Variants in AHCYL1 observed in about 807,000 individuals in gnomAD.
AHCYL1 encodes the protein S-adenosylhomocysteine hydrolase-like protein 1.
AHCYL1 carries 20 observed loss-of-function variants against 79.3 expected under a neutral mutation model. The ratio of observed to expected loss-of-function variants is 0.25; its 90% CI spans 0.18 to 0.37. The LOEUF (loss-of-function observed/expected upper bound fraction) is 0.37. AHCYL1 is among the 10% of genes least tolerant of loss of function. The pLI, the probability that AHCYL1 is intolerant of heterozygous loss-of-function variation, is 1.00. For missense variants in AHCYL1, 330 were observed against 673.6 expected (o/e 0.49, Z 5.65); for synonymous variants, 223 against 242.2 (o/e 0.92, Z 0.74).
chr1:110,015,520 T>G lies in AHCYL1; in HGVS notation c.771T>G (p.Thr257=). 1 of 1,614,170 alleles carries G rather than the reference T, an allele frequency of 6.2e-7. No individual in the cohort carries two copies. Among genetic ancestry groups the G allele is most frequent in the Non-Finnish European group, 8.5e-7 (1 of 1,179,964 alleles). Residue 257 remains threonine, a synonymous_variant, in exon 7 of 17, where the codon ACT becomes ACG. Transcript: ENST00000369799. ...KIRGIVEESV[T]GVHRLYQLSK... ...GAGGCATTGTGGAAGAGAGCGTGAC[T>G]GGTGTTCACAGGTAACAGATTCTGG...
intron 1 of AHCYL1, among the ~76,000 whole-genome samples, chr1:110,001,659 A>G (rs1650320685): frequency 2.0e-5 from 3 of 152,212 alleles, no homozygotes; most frequent in Admixed American, 2.0e-4. Context: ...AAAAAGAAAC[A>G]TAAAAAGGAT....
intron 1 of AHCYL1, chr1:109,995,601 T>A (rs953072024): frequency 2.1e-6 from 2 of 948,256 alleles, no homozygotes; most frequent in Admixed American, 1.2e-4. Context: ...GAAGTTGCTT[T>A]ATCAAGAGCC....
In AHCYL1 at chr1:110,023,302, C is replaced by CA. The variant is rs1277357863; in HGVS notation, c.*1624dup. On this transcript the variant is annotated 3_prime_UTR_variant, in exon 17 of 17. Coordinates refer to ENST00000369799, the MANE Select transcript of AHCYL1 (RefSeq NM_006621.7). ...CTTTTCTCTCCCATTTTCTTTTACC[C>CA]AATCCCTTCTTACTCCTTGCCAGTG... The CA allele has an allele frequency of 6.6e-6, 1 of 152,630 alleles. No individual in the cohort carries two copies. Among genetic ancestry groups the CA allele is most frequent in the Non-Finnish European group, 1.5e-5 (1 of 68,044 alleles). The allele number at this position is 152,630 out of a possible 1,614,324, so 9.5% of individuals were successfully genotyped here.
At chr1:109,994,999 TG>T (rs1327794498) in intron 1 of AHCYL1, among the ~76,000 whole-genome samples, 2 of 152,234 alleles carry the variant, frequency 1.3e-5, no homozygotes, top group African/African-American at 4.8e-5. Context: ...TGCATCTTGG[TG>T]GGGCTGACCT....
intron 1 of AHCYL1, among the ~76,000 whole-genome samples, chr1:109,988,478 T>C (rs1409149385): frequency 2.0e-5 from 3 of 152,328 alleles, no homozygotes; most frequent in Admixed American, 2.0e-4. Context: ...TATTTATCCC[T>C]CTTTTGCTGC....
intron 2 of AHCYL1, among the ~76,000 whole-genome samples, chr1:110,009,515 A>G (rs1196810936): frequency 1.3e-5 from 2 of 152,240 alleles, no homozygotes; most frequent in Non-Finnish European, 2.9e-5. Context: ...TTCTTTGTGT[A>G]AAATATACCC....
intron 2 of AHCYL1, among the ~76,000 whole-genome samples, chr1:110,010,858 C>T (rs1650978069): frequency 6.6e-6 from 1 of 152,198 alleles, no homozygotes; most frequent in African/African-American, 2.4e-5. Context: ...TCCTTATCTG[C>T]CCTAAATTAT....
chr1:110,017,485 T>C lies in AHCYL1; in HGVS notation c.964-10T>C, dbSNP rs200320120. 6.2e-6 allele frequency: 10 copies of C among 1,613,796 alleles called. No homozygotes were observed. In the East Asian group the frequency reaches 1.6e-4, roughly 25 times the overall value. Reference sequence around the variant, plus strand: ...GAACCTAACGACTTGACCTTTCTTTTGTTCTGCAGGTAGGCAAGGGCTGCT... The same window carrying C: ...GAACCTAACGACTTGACCTTTCTTTCGTTCTGCAGGTAGGCAAGGGCTGCT... On this transcript the variant is annotated splice_polypyrimidine_tract_variant and intron_variant, in intron 9 of 16. Transcript: ENST00000369799.
chr1:109,987,531 T>C (rs1649533008), intron 1 of AHCYL1, among the ~76,000 whole-genome samples: 1 of 152,242 alleles, frequency 6.6e-6, no homozygotes, highest in African/African-American at 2.4e-5. Flanking sequence ...TACTTCAGGG[T>C]GACCTTGATG....
chr1:109,986,744 C>T (rs566721800), intron 1 of AHCYL1, among the ~76,000 whole-genome samples: 93 of 152,266 alleles, frequency 6.1e-4, no homozygotes, highest in African/African-American at 1.9e-3. Flanking sequence ...AAGTCTATAT[C>T]GTAGATTGTA....
chr1:110,018,706 GA>G (rs1557776344), intron 13 of AHCYL1, 56 bp downstream of exon 13: 4 of 1,455,286 alleles, frequency 2.7e-6, no homozygotes, highest in Non-Finnish European at 3.8e-6. Context: ...TTAGATCTAT[GA>G]GGGGGGAGGG....
chr1:109,991,225 A>G (rs1649744535), intron 1 of AHCYL1, among the ~76,000 whole-genome samples: 1 of 152,242 alleles, frequency 6.6e-6, no homozygotes, highest in Non-Finnish European at 1.5e-5. Context: ...CCCAAATGGA[A>G]CACAAAGTAA....
Position 110,021,937 on chromosome 1 carries a change from GA to G in AHCYL1, c.*258del. On this transcript the variant is annotated 3_prime_UTR_variant, in exon 17 of 17. Coordinates refer to ENST00000369799, the MANE Select transcript of AHCYL1 (RefSeq NM_006621.7). Reference sequence around the variant, plus strand: ...TTTTACTCTCCCAGCCCAGAAAGGTGATTCTTTCTTTACCATTTCTGGGGAC... The same window carrying G: ...TTTTACTCTCCCAGCCCAGAAAGGTGTTCTTTCTTTACCATTTCTGGGGAC... 1 of 435,696 alleles carries G rather than the reference GA, an allele frequency of 2.3e-6. No homozygotes were observed. The highest frequency in any genetic ancestry group is 2.0e-5 in the African/African-American group (1 of 48,864). The allele number at this position is 435,696 out of a possible 1,614,324, so 27.0% of individuals were successfully genotyped here. A position where few individuals can be genotyped will look rare whatever the true frequency, so the allele number is the denominator to read the frequency against.
chr1:110,018,704 A>C, intron 13 of AHCYL1, 54 bp downstream of exon 13: 1 of 1,389,886 alleles, frequency 7.2e-7, no homozygotes, highest in Non-Finnish European at 1.0e-6. Context: ...AGTTAGATCT[A>C]TGAGGGGGGA....
chr1:110,011,505 C>A, intron 3 of AHCYL1, 148 bp downstream of exon 3: 2 of 1,109,602 alleles, frequency 1.8e-6, no homozygotes, highest in Middle Eastern at 3.1e-4. Context: ...ACTTCTCTCT[C>A]TATGGAACTT....
intron 1 of AHCYL1, chr1:110,000,898 C>T (rs1466310918): frequency 1.1e-6 from 1 of 932,214 alleles, no homozygotes; most frequent in Non-Finnish European, 1.3e-6. Flanking sequence ...AAAATACAAA[C>T]CCTCTGTAAA....
chr1:110,021,182 A>G (rs1278270695), intron 16 of AHCYL1, among the ~76,000 whole-genome samples: 1 of 152,212 alleles, frequency 6.6e-6, no homozygotes, highest in Non-Finnish European at 1.5e-5. Flanking sequence ...CGGAGGTTGC[A>G]GTGAGCTGGG....
intron 1 of AHCYL1, among the ~76,000 whole-genome samples, chr1:109,989,844 C>G (rs1649662757): frequency 6.6e-6 from 1 of 152,202 alleles, no homozygotes; most frequent in Non-Finnish European, 1.5e-5. Flanking sequence ...TGAGGTGCGT[C>G]AGAAGCATTC....
chr1:110,013,974 T>G (rs1371749140), intron 5 of AHCYL1, among the ~76,000 whole-genome samples: 1 of 151,632 alleles, frequency 6.6e-6, no homozygotes, highest in Admixed American at 6.6e-5. Flanking sequence ...CTAATTTTTG[T>G]ATTTTTAGTA....
Sources: gnomAD v4.1 joint callset for allele counts (sites outside exome capture counted in the v4.1 genomes callset) on GRCh38, gnomAD v4.1.1 for gene constraint, MANE v1.5 for transcripts, NCBI Gene and HGNC (gene_info 2026-07-23, HGNC 2026-07-21) for gene names.